The following PIP5K1C variants were observed in gnomAD, a reference collection of about 807,000 sequenced individuals.
PIP5K1C encodes phosphatidylinositol 4-phosphate 5-kinase type-1 gamma.
A neutral mutation model predicts 80.1 loss-of-function variants in PIP5K1C; 45 were observed. The observed-to-expected ratio is 0.56, with a 90% CI of 0.44 to 0.72. PIP5K1C has a LOEUF of 0.72. PIP5K1C is among the 30% of genes least tolerant of loss of function. PIP5K1C has a pLI of 0.00. For synonymous variants in PIP5K1C, 498 were observed against 420.1 expected (o/e 1.19, Z -2.27); for missense variants, 753 against 954.6 (o/e 0.79, Z 2.78).
At chr19:3,690,646 C>T (rs1190456512) in intron 1 of PIP5K1C, among the ~76,000 whole-genome samples, 1 of 152,088 alleles carries the variant, frequency 6.6e-6, no homozygotes, top group Non-Finnish European at 1.5e-5. Context: ...ACATAAACCC[C>T]AAAATACCTG....
chr19:3,691,823 A>G (rs1425906120), intron 1 of PIP5K1C, among the ~76,000 whole-genome samples: 1 of 152,082 alleles, frequency 6.6e-6, no homozygotes, highest in Non-Finnish European at 1.5e-5. Flanking sequence ...GGGGAGCAAA[A>G]CCACCAAAGC....
chr19:3,690,922 G>C (rs2035928880), intron 1 of PIP5K1C, among the ~76,000 whole-genome samples: 1 of 152,200 alleles, frequency 6.6e-6, no homozygotes, highest in African/African-American at 2.4e-5. Flanking sequence ...GAGCTTGCAG[G>C]AGCTGAGGCA....
intron 1 of PIP5K1C, among the ~76,000 whole-genome samples, chr19:3,682,677 A>G (rs563680718): frequency 6.6e-6 from 1 of 152,202 alleles, no homozygotes; most frequent in Admixed American, 6.5e-5. Flanking sequence ...TGACAGAGCA[A>G]GACTGTCCCT....
intron 12 of PIP5K1C, among the ~76,000 whole-genome samples, 185 bp from the exon 13 acceptor site, chr19:3,643,566 G>C (rs988845125): frequency 6.6e-6 from 1 of 151,868 alleles, no homozygotes; most frequent in East Asian, 1.9e-4. Context: ...GCTTCTGACC[G>C]CTCTCAAAAT....
intron 1 of PIP5K1C, among the ~76,000 whole-genome samples, chr19:3,681,452 G>A (rs1342498340): frequency 2.0e-5 from 3 of 151,860 alleles, no homozygotes; most frequent in Non-Finnish European, 2.9e-5. Context: ...GGCTGATCTC[G>A]AACTCCTGAC....
intron 10 of PIP5K1C, among the ~76,000 whole-genome samples, chr19:3,646,592 C>G (rs901622398): frequency 6.6e-6 from 1 of 152,192 alleles, no homozygotes; most frequent in Admixed American, 6.5e-5. Context: ...CACAGGACAC[C>G]CTGGCCAGCC....
At chr19:3,695,425 G>A (rs1341845969) in intron 1 of PIP5K1C, among the ~76,000 whole-genome samples, 1 of 152,188 alleles carries the variant, frequency 6.6e-6, no homozygotes, top group African/African-American at 2.4e-5. Context: ...CCTTCTAAGG[G>A]CTTTACCCCA....
chr19:3,699,253 TC>T (rs1418889759), intron 1 of PIP5K1C, among the ~76,000 whole-genome samples: 3 of 146,558 alleles, frequency 2.0e-5, no homozygotes, highest in Admixed American at 7.2e-5. Context: ...GGCCACTGGC[TC>T]TGGGGAAGGA....
In PIP5K1C at chr19:3,700,434, G is replaced by C. The variant is rs929351054; in HGVS notation, c.-44C>G. On this transcript the variant is annotated 5_prime_UTR_variant, in exon 1 of 18. Coordinates refer to ENST00000335312, the MANE Select transcript of PIP5K1C (RefSeq NM_012398.3). The stretch of plus-strand genomic sequence containing the variant: ...GCGGGGGCGCCCGAGGGGGACCCGA[G>C]CTGCGACCGCCGCCGCCGAACAACA... 8 of 1,001,960 alleles carry C rather than the reference G, an allele frequency of 8.0e-6. No homozygotes were observed. The highest frequency in any genetic ancestry group is 3.5e-5 in the African/African-American group (2 of 57,010). 62.1% of individuals were successfully genotyped at this position (1,001,960 alleles called of 1,614,324 possible).
rs1302023575 is a variant in PIP5K1C at position 3,637,815 on chromosome 19, G to A, written c.1920+1069C>T. On this transcript the variant is annotated intron_variant, in intron 16 of 17. Transcript: ENST00000335312. The surrounding 1 kb of genome is among the most constrained non-coding windows in gnomAD (Gnocchi z 7.0). ...CTTCTCCCTTCTCTGCTGCCCACCT[G>A]GCAGGGCATCAGGACACAGACACAC... The A allele has an allele frequency of 6.5e-7, 1 of 1,535,104 alleles. No homozygotes were observed. Among genetic ancestry groups the A allele is most frequent in the African/African-American group, 1.4e-5 (1 of 73,118 alleles).
chr19:3,656,032 C>T (rs1338381832), intron 6 of PIP5K1C, among the ~76,000 whole-genome samples: 3 of 152,156 alleles, frequency 2.0e-5, no homozygotes, highest in African/African-American at 7.2e-5. Context: ...CTCTGAGTCA[C>T]CCTTGGGCCC....
chr19:3,640,578 C>G (rs563625487), intron 15 of PIP5K1C, among the ~76,000 whole-genome samples: 4 of 152,110 alleles, frequency 2.6e-5, no homozygotes, highest in African/African-American at 9.7e-5. Context: ...CTATTGTGTC[C>G]TGTGTTTTTT....
Position 3,649,911 on chromosome 19 carries a change from G to A in PIP5K1C, c.1128-1203C>T, listed in dbSNP as rs137867489. On this transcript the variant is annotated intron_variant, in intron 8 of 17. Transcript: ENST00000335312. ...CGCGGTTAGTGAGGCCACACGTGCA[G>A]CAGTCATCCTGAAGCCACTGGGACC... 315 of 271,348 alleles carry A rather than the reference G, an allele frequency of 1.2e-3. 4 individuals carry two copies. The highest frequency in any genetic ancestry group is 0.011 in the Admixed American group (208 of 18,996). 16.8% of individuals were successfully genotyped at this position (271,348 alleles called of 1,614,324 possible). A position where few individuals can be genotyped will look rare whatever the true frequency, so the allele number is the denominator to read the frequency against.
At chr19:3,650,843 A>G (rs1217903153) in intron 8 of PIP5K1C, among the ~76,000 whole-genome samples, 3 of 151,330 alleles carry the variant, frequency 2.0e-5, no homozygotes, top group Non-Finnish European at 2.9e-5. Context: ...TGCAACCTCC[A>G]CCTCCTGGGT....
intron 1 of PIP5K1C, among the ~76,000 whole-genome samples, chr19:3,672,320 T>C (rs578203778): frequency 6.6e-6 from 1 of 152,314 alleles, no homozygotes; most frequent in African/African-American, 2.4e-5. Flanking sequence ...GGACACTGTG[T>C]CCCACACCAG....
Position 3,667,260 on chromosome 19 carries a change from G to A in PIP5K1C, c.126+62C>T, listed in dbSNP as rs146585229. On this transcript the variant is annotated intron_variant, in intron 2 of 17. Transcript: ENST00000335312. ...GCCCCAGGCCACACAGCTTCTCCGCGAGTAGGGAGGCAGCAGGTCAGGGTG... is the reference window on the plus strand; with the variant it reads ...GCCCCAGGCCACACAGCTTCTCCGCAAGTAGGGAGGCAGCAGGTCAGGGTG... 28 of 1,461,010 alleles carry A rather than the reference G, an allele frequency of 1.9e-5. No individual in the cohort carries two copies. The Middle Eastern group carries it at 5.2e-4, about 27-fold the overall frequency. 90.5% of individuals were successfully genotyped at this position (1,461,010 alleles called of 1,614,324 possible). A position where few individuals can be genotyped will look rare whatever the true frequency, so the allele number is the denominator to read the frequency against.
Position 3,644,220 on chromosome 19 carries a change from G to T in PIP5K1C, c.1377C>A (p.Arg459=). The change falls in exon 12 of 18, where the codon CGC becomes CGA. Residue 459 remains arginine, a synonymous_variant. Transcript: ENST00000335312. The part of the protein sequence containing the change: ...SLKSSPSKKG[R]GGALLAVKPL... The stretch of plus-strand genomic sequence containing the variant: ...GTTTCACAGCTAGCAAGGCTCCGCC[G>T]CGCCCCTTCTTGGAGGGCGAGGACT... 6.2e-7 allele frequency: 1 copy of T among 1,612,430 alleles called. No homozygotes were observed. Among genetic ancestry groups the T allele is most frequent in the South Asian group, 1.1e-5 (1 of 91,074 alleles).
chr19:3,643,034 T>C, intron 13 of PIP5K1C, 95 bp from the exon 14 acceptor site: 6 of 1,509,864 alleles, frequency 4.0e-6, no homozygotes, highest in Non-Finnish European at 4.6e-6. Context: ...ACCTGCCCCC[T>C]GGCAGCCCTG....
At chr19:3,687,491 ACATACACG>A (rs1015547727) in intron 1 of PIP5K1C, among the ~76,000 whole-genome samples, 54 of 128,368 alleles carry the variant, frequency 4.2e-4, no homozygotes, top group African/African-American at 1.6e-3. Flanking sequence ...ACACAGACGC[ACATACACG>A]CACACATGCA....
Sources: gnomAD v4.1 joint callset for allele counts (sites outside exome capture counted in the v4.1 genomes callset) on GRCh38, gnomAD v4.1.1 for gene constraint, Gnocchi (gnomAD v3.1) non-coding constraint, MANE v1.5 for transcripts, NCBI Gene and HGNC (gene_info 2026-07-23, HGNC 2026-07-21) for gene names.